The following ADCK1 variants were observed in gnomAD, a reference collection of about 807,000 sequenced individuals.
ADCK1 encodes the protein aarF domain-containing protein kinase 1.
In ADCK1, 41 loss-of-function variants were observed where a neutral mutation model predicts 52.3. The observed-to-expected ratio is 0.78, with a 90% CI of 0.61 to 1.02. The LOEUF (loss-of-function observed/expected upper bound fraction) is 1.02, where lower values mean the gene tolerates loss of function less well. Ranked by LOEUF, ADCK1 falls within the 50% of genes least tolerant of loss-of-function variation. The probability of loss-of-function intolerance (pLI) is 0.00; values close to 1 mark genes in which losing one functional copy is unlikely to be tolerated. For synonymous variants in ADCK1, 250 were observed against 274.6 expected, an observed-to-expected ratio of 0.91 and a Z score of 0.89; for missense variants, 658 against 679.5, an observed-to-expected ratio of 0.97 and a Z score of 0.35.
intron 4 of ADCK1, among the ~76,000 whole-genome samples, chr14:77,880,718 G>T (rs1016998685): frequency 3.9e-5 from 6 of 152,166 alleles, no homozygotes; most frequent in African/African-American, 1.4e-4. Flanking sequence ...TTCAGGATTG[G>T]AGGAAGCAGC....
intron 4 of ADCK1, among the ~76,000 whole-genome samples, chr14:77,867,645 C>T (rs1235317332): frequency 6.6e-6 from 1 of 152,166 alleles, no homozygotes; most frequent in East Asian, 1.9e-4. Context: ...AGGCAATGGT[C>T]GAGGTGGCCC....
intron 3 of ADCK1, among the ~76,000 whole-genome samples, chr14:77,855,077 G>T (rs1338434799): frequency 6.6e-6 from 1 of 152,218 alleles, no homozygotes; most frequent in Non-Finnish European, 1.5e-5. Context: ...AAAGACTCTT[G>T]TCCACATTTT....
At chr14:77,824,038 A>G (rs1475852960) in intron 3 of ADCK1, among the ~76,000 whole-genome samples, 5 of 152,072 alleles carry the variant, frequency 3.3e-5, no homozygotes, top group African/African-American at 1.2e-4. Flanking sequence ...AGCTGGAATT[A>G]CAGGTGCAGG....
intron 3 of ADCK1, 126 bp from the exon 4 acceptor site, chr14:77,858,950 G>C: frequency 1.2e-6 from 1 of 826,532 alleles, no homozygotes; most frequent in Non-Finnish European, 1.9e-6. Flanking sequence ...GCGTGTGTGT[G>C]CATGCATCTG....
intron 9 of ADCK1, among the ~76,000 whole-genome samples, chr14:77,931,060 G>A (rs555014768): frequency 5.3e-4 from 80 of 152,170 alleles, no homozygotes; most frequent in South Asian, 8.3e-4. Flanking sequence ...GTAAGCAATG[G>A]AGCGTGAGCA....
At chr14:77,899,380 T>C in intron 6 of ADCK1, 122 bp downstream of exon 6, 2 of 1,294,774 alleles carry the variant, frequency 1.5e-6, no homozygotes, top group Non-Finnish European at 2.1e-6. Flanking sequence ...TGAGTCCTCT[T>C]ACTGAGGATG....
Position 77,931,526 on chromosome 14 carries a change from G to C in ADCK1, c.1215G>C (p.Glu405Asp). ...CCCCATTGCTGCTTCAGGACTTAGAGATTCGCAACAACGCGGCCAACTACC... is the reference window on the plus strand; with the variant it reads ...CCCCATTGCTGCTTCAGGACTTAGACATTCGCAACAACGCGGCCAACTACC... ...QAPVTATEDL[E>D]IRNNAANYLP... Residue 405 changes from glutamate (E) to aspartate (D), a missense_variant, in exon 10 of 11, where the codon GAG becomes GAC. Glu to Asp is a conservative substitution (Grantham distance 45). Transcript: ENST00000238561. The C allele has an allele frequency of 6.2e-7, 1 of 1,613,198 alleles. No homozygotes were observed.
At chr14:77,825,640 G>GTT (rs11311915) in intron 3 of ADCK1, among the ~76,000 whole-genome samples, 18,639 of 137,232 alleles carry the variant, frequency 0.14, 1,423 homozygotes, top group Middle Eastern at 0.18. Flanking sequence ...GAAATGTTAG[G>GTT]TTTTTTTTTT....
At chr14:77,907,178 TG>T (rs1192165669) in intron 6 of ADCK1, among the ~76,000 whole-genome samples, 1 of 152,140 alleles carries the variant, frequency 6.6e-6, no homozygotes, top group Non-Finnish European at 1.5e-5. Flanking sequence ...CCTCCCAAAG[TG>T]CTGGGATTAT....
Position 77,924,552 on chromosome 14 carries a change from G to A in ADCK1, c.954G>A (p.Lys318=), listed in dbSNP as rs1270510305. The stretch of plus-strand genomic sequence containing the variant: ...ACCCCGGCAATGTACTGGTGCGGAA[G>A]CACCCCGGCACGGGAAAGGCGGAGA... ...DPHPGNVLVR[K]HPGTGKAEIV... is the part of the protein sequence containing the mutation. The change falls in exon 8 of 11, where the codon AAG becomes AAA. Residue 318 remains lysine (K), a synonymous_variant. Transcript: ENST00000238561. The A allele has an allele frequency of 1.2e-6, 2 of 1,613,972 alleles. No individual in the cohort carries two copies. The highest frequency in any genetic ancestry group is 1.7e-6 in the Non-Finnish European group (2 of 1,180,042).
At chr14:77,809,898 C>T (rs1368628804) in intron 1 of ADCK1, among the ~76,000 whole-genome samples, 2 of 150,722 alleles carry the variant, frequency 1.3e-5, no homozygotes, top group African/African-American at 4.9e-5. Context: ...TTTAGCCGGG[C>T]GTGGTGGCAC....
Position 77,909,222 on chromosome 14 carries a change from G to A in ADCK1, c.858+1303G>A, listed in dbSNP as rs187371528. The stretch of plus-strand genomic sequence containing the variant: ...GCAATCTTGGCTCACTGCAACCTCC[G>A]CCTCCTGGGTTCAAGTGATTCTCCT... On this transcript the variant is annotated intron_variant, in intron 7 of 10. Transcript: ENST00000238561. 1.7e-3 allele frequency among the ~76,000 whole-genome samples: 232 copies of A among 138,954 alleles called. 2 individuals carry two copies. Among genetic ancestry groups the A allele is most frequent in the African/African-American group, 5.6e-3 (210 of 37,268 alleles). The allele number at this position is 138,954 out of a possible 152,430, so 91.2% of individuals were successfully genotyped here.
chr14:77,826,155 C>G (rs1363759480), intron 3 of ADCK1, among the ~76,000 whole-genome samples: 5 of 152,184 alleles, frequency 3.3e-5, no homozygotes, highest in Admixed American at 3.3e-4. Context: ...CACCAGATAA[C>G]AGGGTGTAGG....
chr14:77,811,702 G>T (rs537163984), intron 1 of ADCK1, among the ~76,000 whole-genome samples: 2 of 152,284 alleles, frequency 1.3e-5, no homozygotes, highest in East Asian at 3.9e-4. Context: ...CCAGCTACTT[G>T]GGAGGCTGAG....
At chr14:77,887,605 T>C (rs1469302542) in intron 5 of ADCK1, among the ~76,000 whole-genome samples, 1 of 152,212 alleles carries the variant, frequency 6.6e-6, no homozygotes, top group Non-Finnish European at 1.5e-5. Context: ...TAGACAAAAT[T>C]ACATCTTAAT....
At chr14:77,829,295 AT>A (rs35370816) in intron 3 of ADCK1, among the ~76,000 whole-genome samples, 22 of 145,630 alleles carry the variant, frequency 1.5e-4, no homozygotes, top group African/African-American at 3.3e-4. Flanking sequence ...AAAAACTAAG[AT>A]TTTTTTTTTT....
intron 7 of ADCK1, among the ~76,000 whole-genome samples, chr14:77,911,906 A>T (rs770874574): frequency 2.0e-5 from 3 of 152,102 alleles, no homozygotes; most frequent in Non-Finnish European, 2.9e-5. Flanking sequence ...TTAATTGTAT[A>T]CCTCAGTAAG....
At chr14:77,914,462 G>A (rs904674823) in intron 7 of ADCK1, 1 of 985,470 alleles carries the variant, frequency 1.0e-6, no homozygotes, top group Non-Finnish European at 1.2e-6. Flanking sequence ...TCTCACATTT[G>A]CTTTCAGCAA....
chr14:77,873,827 T>A (rs1165729947), intron 4 of ADCK1, among the ~76,000 whole-genome samples: 1 of 152,238 alleles, frequency 6.6e-6, no homozygotes, highest in African/African-American at 2.4e-5. Context: ...CACCGAACTG[T>A]AAGTCAATTA....
Sources: allele counts gnomAD v4.1 joint callset (sites outside exome capture counted in the v4.1 genomes callset), GRCh38; gene constraint gnomAD v4.1.1; transcripts MANE v1.5; gene names NCBI Gene and HGNC (gene_info 2026-07-23, HGNC 2026-07-21).